PTPN13: variants seen among roughly 807,000 people sequenced by gnomAD.
The protein encoded by PTPN13 is tyrosine-protein phosphatase non-receptor type 13.
A neutral mutation model predicts 284.0 loss-of-function variants in PTPN13; 191 were observed. The observed-to-expected ratio is 0.67, with a 90% CI of 0.60 to 0.76. The LOEUF is 0.76. Among genes scored for constraint, PTPN13 ranks in the 30% least tolerant of loss-of-function variants. PTPN13 has a pLI of 0.00. For missense variants in PTPN13, 2,797 were observed against 2,939.9 expected, an observed-to-expected ratio of 0.95 and a Z score of 1.12; for synonymous variants, 986 against 1,022.3, an observed-to-expected ratio of 0.96 and a Z score of 0.68.
At chr4:86,759,613 G>A (rs1161678847) in intron 23 of PTPN13, among the ~76,000 whole-genome samples, 1 of 152,152 alleles carries the variant, frequency 6.6e-6, no homozygotes, top group Non-Finnish European at 1.5e-5. Flanking sequence ...AGCACAATAG[G>A]CCCCTGTGGC....
intron 2 of PTPN13, among the ~76,000 whole-genome samples, chr4:86,641,543 C>T (rs1467811340): frequency 6.6e-6 from 1 of 152,126 alleles, no homozygotes; most frequent in Non-Finnish European, 1.5e-5. Flanking sequence ...AGCAAAATTG[C>T]TATGGTTATT....
chr4:86,715,095 G>A (rs1365110887), intron 7 of PTPN13, among the ~76,000 whole-genome samples: 1 of 152,110 alleles, frequency 6.6e-6, no homozygotes, highest in East Asian at 1.9e-4. Context: ...AAGTTAATAT[G>A]CTTTTGATTA....
Position 86,717,062 on chromosome 4 carries a change from A to C in PTPN13, c.1330A>C (p.Ser444Arg), listed in dbSNP as rs1167675997. ...AGCCTCAAAGAGGTTTGAATCCAGC[A>C]GTGGTCTCCCAGGGGTAGATGAAAC... is the stretch of plus-strand genomic sequence containing the variant. ...SEASKRFESSSGLPGVDETLS... is the reference protein window; with the variant it reads ...SEASKRFESSRGLPGVDETLS... The change falls in exon 9 of 48, where the codon AGT becomes CGT. Residue 444 changes from serine (S) to arginine (R), a missense_variant. Physicochemically the swap from Ser to Arg is moderately radical, Grantham distance 110 (BLOSUM62 -1). Transcript: ENST00000411767. The C allele has an allele frequency of 3.7e-6, 6 of 1,613,442 alleles. No homozygotes were observed. The highest frequency in any genetic ancestry group is 4.2e-6 in the Non-Finnish European group (5 of 1,179,708).
intron 1 of PTPN13, among the ~76,000 whole-genome samples, chr4:86,634,186 T>C (rs994636225): frequency 2.0e-5 from 3 of 152,174 alleles, no homozygotes; most frequent in Non-Finnish European, 4.4e-5. Context: ...CAGATGTTTT[T>C]ATAGGTTAAC....
chr4:86,748,822 A>AT (rs1265248091), intron 17 of PTPN13, among the ~76,000 whole-genome samples: 8 of 151,762 alleles, frequency 5.3e-5, no homozygotes, highest in Admixed American at 1.3e-4. Context: ...CGCCCAGCTA[A>AT]TTTTTTGTAT....
intron 20 of PTPN13, among the ~76,000 whole-genome samples, chr4:86,753,425 A>G (rs1419141310): frequency 6.6e-6 from 1 of 152,104 alleles, no homozygotes; most frequent in Non-Finnish European, 1.5e-5. Flanking sequence ...AATAAAGATA[A>G]GCATTCCAGA....
In PTPN13 at chr4:86,765,483, A is replaced by G. The variant is rs1326045998; in HGVS notation, c.4238A>G (p.His1413Arg). Residue 1413 changes from histidine to arginine, a missense_variant, in exon 26 of 48, where the codon CAC becomes CGC. Physicochemically the swap from His to Arg is conservative, Grantham distance 29. Coordinates refer to ENST00000411767, the MANE Select transcript of PTPN13 (RefSeq NM_080683.3). The stretch of plus-strand genomic sequence containing the variant: ...GCAGCAGAGTCTGATGGTAGAATTC[A>G]CAAAGGTATAGTGTTTATATTATGT... The part of the protein sequence containing the change: ...QGAAESDGRI[H>R]KGDRVLAVNG... 1 of 1,575,898 alleles carries G rather than the reference A, an allele frequency of 6.3e-7. No homozygotes were observed. Among genetic ancestry groups the G allele is most frequent in the African/African-American group, 1.4e-5 (1 of 74,026 alleles).
intron 7 of PTPN13, among the ~76,000 whole-genome samples, chr4:86,716,148 TTACA>T (rs1475137396): frequency 6.6e-6 from 1 of 152,218 alleles, no homozygotes; most frequent in African/African-American, 2.4e-5. Flanking sequence ...ATAATGATGC[TTACA>T]TAGTGTGTGC....
At chr4:86,629,608 T>G (rs1158922592) in intron 1 of PTPN13, among the ~76,000 whole-genome samples, 1 of 152,238 alleles carries the variant, frequency 6.6e-6, no homozygotes, top group Non-Finnish European at 1.5e-5. Flanking sequence ...GTCATGCATT[T>G]GTTTTCATAT....
intron 3 of PTPN13, among the ~76,000 whole-genome samples, chr4:86,683,674 G>A (rs1018316379): frequency 6.6e-6 from 1 of 152,106 alleles, no homozygotes; most frequent in African/African-American, 2.4e-5. Flanking sequence ...ACTATTATAT[G>A]ATATATATAG....
chr4:86,771,426 G>A lies in PTPN13; in HGVS notation c.5059G>A (p.Val1687Ile). The A allele has an allele frequency of 1.3e-6, 2 of 1,566,080 alleles. No individual in the cohort carries two copies. The highest frequency in any genetic ancestry group is 1.7e-6 in the Non-Finnish European group (2 of 1,154,008). The change falls in exon 31 of 48, where the codon GTA becomes ATA. Residue 1687 changes from valine to isoleucine, a missense_variant. Coordinates refer to ENST00000411767, the MANE Select transcript of PTPN13 (RefSeq NM_080683.3). The stretch of plus-strand genomic sequence containing the variant: ...TTTGCATCAGACTCTAAGCAACATG[G>A]TATCACAGGCACAGAGTCATCATGA... ...SALHQTLSNMVSQAQSHHEAP... is the reference protein window; with the variant it reads ...SALHQTLSNMISQAQSHHEAP...
At chr4:86,670,171 C>CTTT (rs201314867) in intron 2 of PTPN13, among the ~76,000 whole-genome samples, 1 of 110,276 alleles carries the variant, frequency 9.1e-6, no homozygotes, top group Non-Finnish European at 1.9e-5. Flanking sequence ...TATCTTAATT[C>CTTT]TTTTTTTTTT....
chr4:86,796,707 A>T (rs1743380119), intron 40 of PTPN13, among the ~76,000 whole-genome samples, 167 bp from the exon 41 acceptor site: 1 of 152,216 alleles, frequency 6.6e-6, no homozygotes, highest in Non-Finnish European at 1.5e-5. Flanking sequence ...TGGGCCACTG[A>T]TGCCTCAGCC....
At chr4:86,606,302 C>T (rs556268000) in intron 1 of PTPN13, among the ~76,000 whole-genome samples, 130 of 151,934 alleles carry the variant, frequency 8.6e-4, no homozygotes, top group Middle Eastern at 3.4e-3. Context: ...GAGCCACCTA[C>T]ACTATACACT....
At chr4:86,628,735 G>A (rs1722122055) in intron 1 of PTPN13, among the ~76,000 whole-genome samples, 1 of 136,052 alleles carries the variant, frequency 7.4e-6, no homozygotes, top group Non-Finnish European at 1.5e-5. Context: ...TCCCACCTAT[G>A]AGTGAGAACA....
rs1289861952 is a variant in PTPN13 at position 86,635,373 on chromosome 4, T to C, written c.115+2T>C. 1 of 1,587,538 alleles carries C rather than the reference T, an allele frequency of 6.3e-7. No individual in the cohort carries two copies. ...GTCTCCAAGAATTATTCAGAAAAGG[T>C]AAGCTGCTGCTGCTGCTGCTGTTGT... On this transcript the variant is annotated splice_donor_variant, in intron 2 of 47. Coordinates refer to ENST00000411767, the MANE Select transcript of PTPN13 (RefSeq NM_080683.3). LOFTEE classifies it high-confidence loss of function.
At chr4:86,616,213 T>C (rs1276099399) in intron 1 of PTPN13, among the ~76,000 whole-genome samples, 2 of 152,226 alleles carry the variant, frequency 1.3e-5, no homozygotes, top group African/African-American at 4.8e-5. Flanking sequence ...TGTTGTCAAA[T>C]ACATTCAATA....
chr4:86,744,825 A>G, intron 16 of PTPN13, 141 bp from the exon 17 acceptor site: 4 of 697,528 alleles, frequency 5.7e-6, no homozygotes, highest in Non-Finnish European at 9.3e-6. Flanking sequence ...ATTTCTTGGA[A>G]CATGTCTTTA....
intron 28 of PTPN13, 113 bp downstream of exon 28, chr4:86,768,089 T>C (rs1739538014): frequency 3.2e-6 from 3 of 944,794 alleles, no homozygotes; most frequent in Non-Finnish European, 4.7e-6. Flanking sequence ...ATTATTCTTG[T>C]CAAGTACAAA....
Sources: gnomAD v4.1 joint callset for allele counts (sites outside exome capture counted in the v4.1 genomes callset) on GRCh38, gnomAD v4.1.1 for gene constraint, MANE v1.5 for transcripts, NCBI Gene and HGNC (gene_info 2026-07-23, HGNC 2026-07-21) for gene names.